Variants in KIF6 observed in about 807,000 individuals in gnomAD.
The protein encoded by KIF6 is kinesin family member 6.
KIF6 carries 106 observed loss-of-function variants against 112.7 expected under a neutral mutation model. The ratio of observed to expected loss-of-function variants is 0.94; its 90% confidence interval spans 0.80 to 1.11. KIF6 has a LOEUF of 1.11. Among genes scored for constraint, KIF6 ranks in the 50% least tolerant of loss-of-function variants. The probability of loss-of-function intolerance (pLI) is 0.00; values close to 1 mark genes in which losing one functional copy is unlikely to be tolerated. For synonymous variants in KIF6, 339 were observed against 339.9 expected (o/e 1.00, Z 0.03); for missense variants, 929 against 964.0 (o/e 0.96, Z 0.48).
chr6:39,529,298 T>G (rs999488873), intron 13 of KIF6, among the ~76,000 whole-genome samples: 9 of 152,044 alleles, frequency 5.9e-5, no homozygotes, highest in Admixed American at 5.2e-4. Flanking sequence ...AAGGCAAAAT[T>G]AGACAAATGG....
chr6:39,654,165 A>C (rs1324101006), intron 3 of KIF6, among the ~76,000 whole-genome samples: 3 of 152,320 alleles, frequency 2.0e-5, no homozygotes, highest in South Asian at 4.1e-4. Flanking sequence ...GAAGACAGTC[A>C]GTCATATTTA....
intron 3 of KIF6, among the ~76,000 whole-genome samples, chr6:39,697,228 A>T (rs968890232): frequency 6.6e-6 from 1 of 152,124 alleles, no homozygotes; most frequent in Non-Finnish European, 1.5e-5. Flanking sequence ...GAGGAAGCCA[A>T]GGTAATCAGA....
At chr6:39,707,666 C>T (rs1789294874) in intron 3 of KIF6, among the ~76,000 whole-genome samples, 1 of 152,198 alleles carries the variant, frequency 6.6e-6, no homozygotes, top group African/African-American at 2.4e-5. Flanking sequence ...TGTGTCTACT[C>T]TATCTTGGTC....
At position 39,635,920 on chromosome 6, in the gene KIF6, G is replaced by T. The variant is rs184998850; in HGVS notation, c.400-962C>A. On this transcript the variant is annotated intron_variant, in intron 4 of 22. Coordinates refer to ENST00000287152, the MANE Select transcript of KIF6 (RefSeq NM_145027.6). ...TATATTTGGGTCTTGTGGCAAGCAG[G>T]TTGCCAGGGTGTCAGAGTGTATACT... Among the ~76,000 whole-genome samples the T allele has an allele frequency of 2.0e-3, 308 of 152,120 alleles. 1 individual carries two copies. The highest frequency in any genetic ancestry group is 6.5e-3 in the African/African-American group (270 of 41,544).
intron 10 of KIF6, among the ~76,000 whole-genome samples, chr6:39,552,718 G>C (rs1159721812): frequency 6.6e-6 from 1 of 152,102 alleles, no homozygotes; most frequent in South Asian, 2.1e-4. Flanking sequence ...TAAACATAAT[G>C]AGATCATCAA....
At chr6:39,633,025 A>G (rs955390646) in intron 5 of KIF6, among the ~76,000 whole-genome samples, 4 of 151,980 alleles carry the variant, frequency 2.6e-5, no homozygotes, top group Non-Finnish European at 5.9e-5. Flanking sequence ...TAAATTTTAC[A>G]TAGATAAGTT....
chr6:39,380,276 G>A (rs1364521166), intron 16 of KIF6, among the ~76,000 whole-genome samples: 1 of 152,196 alleles, frequency 6.6e-6, no homozygotes, highest in Non-Finnish European at 1.5e-5. Context: ...CTTAGAGATG[G>A]TTATTGATGT....
intron 13 of KIF6, among the ~76,000 whole-genome samples, chr6:39,500,694 C>T (rs1349966617): frequency 6.6e-6 from 1 of 152,116 alleles, no homozygotes; most frequent in Non-Finnish European, 1.5e-5. Context: ...AGATTTAGCA[C>T]TAAGCCTGGC....
intron 15 of KIF6, among the ~76,000 whole-genome samples, chr6:39,388,238 G>A (rs72860072): frequency 0.13 from 19,135 of 151,664 alleles, 2,500 homozygotes; most frequent in African/African-American, 0.33. Flanking sequence ...TTTCTTCAGC[G>A]CCTATTGGAA....
chr6:39,350,194 C>T (rs766101620), intron 19 of KIF6, among the ~76,000 whole-genome samples: 8 of 152,100 alleles, frequency 5.3e-5, no homozygotes, highest in African/African-American at 9.7e-5. Flanking sequence ...ATTGGAAGAG[C>T]GGATACCCCA....
intron 13 of KIF6, among the ~76,000 whole-genome samples, chr6:39,504,590 C>T (rs190668531): frequency 6.6e-6 from 1 of 152,280 alleles, no homozygotes; most frequent in African/African-American, 2.4e-5. Context: ...GATCCTATAT[C>T]TGGAAAACCC....
intron 13 of KIF6, among the ~76,000 whole-genome samples, chr6:39,495,650 A>T (rs1322077812): frequency 8.5e-5 from 13 of 152,234 alleles, no homozygotes; most frequent in Non-Finnish European, 2.9e-5. Context: ...TAAACAAAAC[A>T]AATAGTTGTA....
At chr6:39,380,242 C>T (rs777837927) in intron 16 of KIF6, among the ~76,000 whole-genome samples, 48 of 152,244 alleles carry the variant, frequency 3.2e-4, no homozygotes, top group South Asian at 4.1e-4. Context: ...GGGAGTCAGC[C>T]CTCCTATAAG....
At chr6:39,475,496 G>C (rs937805552) in intron 13 of KIF6, among the ~76,000 whole-genome samples, 2 of 152,080 alleles carry the variant, frequency 1.3e-5, no homozygotes, top group Non-Finnish European at 2.9e-5. Flanking sequence ...ATTTTCCTAG[G>C]TCCCTGACAA....
intron 13 of KIF6, among the ~76,000 whole-genome samples, chr6:39,491,344 T>A (rs554950392): frequency 1.4e-4 from 22 of 152,104 alleles, no homozygotes; most frequent in African/African-American, 5.1e-4. Flanking sequence ...AACTCCAACT[T>A]TTCCAGCAAA....
At chr6:39,613,144 A>C in intron 6 of KIF6, 45 bp downstream of exon 6, 1 of 1,448,940 alleles carries the variant, frequency 6.9e-7, no homozygotes, top group Admixed American at 2.5e-5. Flanking sequence ...CAGATACTGT[A>C]TCTTATAATG....
intron 10 of KIF6, among the ~76,000 whole-genome samples, chr6:39,567,013 C>T (rs1338500900): frequency 6.6e-6 from 1 of 152,082 alleles, no homozygotes; most frequent in Non-Finnish European, 1.5e-5. Flanking sequence ...TCTTTTCGGG[C>T]ACTTTTTCTT....
chr6:39,346,556 C>A, intron 19 of KIF6, 30 bp from the exon 20 acceptor site: 1 of 691,898 alleles, frequency 1.4e-6, no homozygotes, highest in South Asian at 1.6e-5. Flanking sequence ...GTTGTTTGAG[C>A]CACTCAGTCT....
intron 13 of KIF6, among the ~76,000 whole-genome samples, chr6:39,476,534 C>T (rs1214996838): frequency 1.3e-5 from 2 of 152,188 alleles, no homozygotes; most frequent in Non-Finnish European, 2.9e-5. Context: ...GAGCTGGGCT[C>T]TGGGTGGACT....
Sources: allele counts gnomAD v4.1 joint callset (sites outside exome capture counted in the v4.1 genomes callset), GRCh38; gene constraint gnomAD v4.1.1; transcripts MANE v1.5; gene names NCBI Gene and HGNC (gene_info 2026-07-23, HGNC 2026-07-21).